Variants in DOCK8 observed in about 807,000 individuals in gnomAD.
The protein encoded by DOCK8 is dedicator of cytokinesis protein 8.
Under a neutral mutation model 245.6 loss-of-function variants are expected in DOCK8, and 141 were observed. The observed-to-expected ratio is 0.57, with a 90% CI of 0.50 to 0.66. The LOEUF (loss-of-function observed/expected upper bound fraction) is 0.66, where lower values mean the gene tolerates loss of function less well. DOCK8 is among the 30% of genes least tolerant of loss of function. The pLI, the probability that DOCK8 is intolerant of heterozygous loss-of-function variation, is 0.00. For synonymous variants in DOCK8, 1,168 were observed against 970.2 expected, an observed-to-expected ratio of 1.20 and a Z score of -3.79; for missense variants, 2,965 against 2,603.4, an observed-to-expected ratio of 1.14 and a Z score of -3.02.
Position 317,059 on chromosome 9 carries a change from T to TA in DOCK8, c.759dup (p.Arg254ThrfsTer27). ...TAAAAATAGGAGGATGCTGTGGAAA[T>TA]ACGTCCAGTACCAGAATGTCCCAAG... On this transcript the variant is annotated frameshift_variant, in exon 7 of 48. Transcript: ENST00000432829. LOFTEE classifies it high-confidence loss of function. The TA allele has an allele frequency of 6.2e-7, 1 of 1,613,850 alleles. No individual in the cohort carries two copies. The highest frequency in any genetic ancestry group is 8.5e-7 in the Non-Finnish European group (1 of 1,179,704).
Position 428,483 on chromosome 9 carries a change from C to T in DOCK8, c.4460C>T (p.Ala1487Val). ...YLTHCFATLRALIAKFGDLLF... is the reference protein window; with the variant it reads ...YLTHCFATLRVLIAKFGDLLF... ...ACTCACTGCTTTGCAACACTCCGTG[C>T]TCTCATCGCCAAGGTAAACTTGGGA... Residue 1487 changes from alanine to valine, a missense_variant, in exon 35 of 48, where the codon GCT becomes GTT. This residue lies in a region of DOCK8 where 2,825 missense variants were observed against 2,453.5 expected (regional missense o/e 1.15). Transcript: ENST00000432829. 2 of 1,614,178 alleles carry T rather than the reference C, an allele frequency of 1.2e-6. No individual in the cohort carries two copies. The highest frequency in any genetic ancestry group is 1.7e-6 in the Non-Finnish European group (2 of 1,180,022).
chr9:456,202 C>T (rs1264587352), intron 46 of DOCK8: 2 of 152,214 alleles, frequency 1.3e-5, no homozygotes, highest in African/African-American at 4.8e-5. Context: ...AAATCATACC[C>T]TGAATACAGA....
intron 46 of DOCK8, among the ~76,000 whole-genome samples, chr9:455,914 C>T (rs992169784): frequency 7.2e-5 from 11 of 151,924 alleles, no homozygotes; most frequent in African/African-American, 4.8e-5. Context: ...TCAGTTCATC[C>T]ATTCATTCAG....
At chr9:304,546 C>G (rs932612390) in intron 4 of DOCK8, 35 bp from the exon 5 acceptor site, 18 of 1,613,448 alleles carry the variant, frequency 1.1e-5, no homozygotes, top group Non-Finnish European at 1.5e-5. Flanking sequence ...CTCTCTCCCT[C>G]TTTCTCTCTC....
chr9:323,827 G>A (rs576672657), intron 7 of DOCK8, among the ~76,000 whole-genome samples: 1 of 152,252 alleles, frequency 6.6e-6, no homozygotes, highest in East Asian at 1.9e-4. Context: ...ATTGTAGTAT[G>A]TATCAGAATC....
intron 5 of DOCK8, among the ~76,000 whole-genome samples, chr9:307,346 T>G (rs10969350): frequency 0.03 from 212 of 7,126 alleles, no homozygotes; most frequent in East Asian, 0.2. Flanking sequence ...TTGTTTTTTT[T>G]TTTTTTTTTT....
At chr9:308,946 C>A (rs765686736) in intron 5 of DOCK8, among the ~76,000 whole-genome samples, 2 of 152,212 alleles carry the variant, frequency 1.3e-5, no homozygotes, top group African/African-American at 4.8e-5. Flanking sequence ...CATGAGCCAC[C>A]GCACCTGGCC....
At chr9:327,942 T>C in intron 8 of DOCK8, 80 bp from the exon 9 acceptor site, 1 of 1,395,894 alleles carries the variant, frequency 7.2e-7, no homozygotes, top group Non-Finnish European at 1.0e-6. Flanking sequence ...TTCTCTGTGG[T>C]GTTTTTACTC....
rs1414497640 is a variant in DOCK8, at chr9:421,220, CTG to C, written c.4153+149_4153+150del. On this transcript the variant is annotated intron_variant, in intron 32 of 47. Transcript: ENST00000432829. ...GTCAGAGACAGCGGATTCTGGGAGT[CTG>C]TGTGTGACATTTGTGTTAGCCCTGT... is the stretch of plus-strand genomic sequence containing the variant. 2.3e-5 allele frequency: 27 copies of C among 1,154,604 alleles called. No individual in the cohort carries two copies. The East Asian group carries it at 2.7e-4, about 12-fold the overall frequency. 71.5% of individuals were successfully genotyped at this position (1,154,604 alleles called of 1,614,324 possible).
intron 7 of DOCK8, among the ~76,000 whole-genome samples, chr9:325,374 C>G (rs1323018801): frequency 2.6e-5 from 4 of 152,160 alleles, no homozygotes; most frequent in African/African-American, 7.2e-5. Flanking sequence ...GTGAATCACA[C>G]TAAAGGTCCA....
chr9:356,372 CA>C (rs568610340), intron 14 of DOCK8, among the ~76,000 whole-genome samples: 2 of 151,404 alleles, frequency 1.3e-5, no homozygotes, highest in Admixed American at 6.6e-5. Context: ...ACTAAAAATA[CA>C]AAAAAAACTA....
intron 2 of DOCK8, among the ~76,000 whole-genome samples, chr9:282,184 G>T (rs76398302): frequency 0.014 from 2,072 of 152,178 alleles, 49 homozygotes; most frequent in African/African-American, 0.047. Context: ...GTGCAATTCC[G>T]TGAGAACAAC....
chr9:315,556 G>A (rs2050306795), intron 6 of DOCK8, among the ~76,000 whole-genome samples: 1 of 152,176 alleles, frequency 6.6e-6, no homozygotes, highest in Non-Finnish European at 1.5e-5. Flanking sequence ...TGGTATTGCT[G>A]TATGTTTTTA....
intron 4 of DOCK8, among the ~76,000 whole-genome samples, chr9:294,607 C>G (rs192725599): frequency 2.6e-5 from 4 of 152,186 alleles, no homozygotes; most frequent in African/African-American, 9.6e-5. Flanking sequence ...CCGTAAGTCC[C>G]ACTCTTGAGT....
chr9:391,603 A>AT (rs1342062268), intron 24 of DOCK8, among the ~76,000 whole-genome samples: 2 of 152,104 alleles, frequency 1.3e-5, no homozygotes, highest in Non-Finnish European at 2.9e-5. Context: ...AAGCAAAAGG[A>AT]TTTTCCCATA....
intron 44 of DOCK8, among the ~76,000 whole-genome samples, chr9:448,576 T>C (rs1174100458): frequency 6.6e-6 from 1 of 152,228 alleles, no homozygotes; most frequent in Non-Finnish European, 1.5e-5. Flanking sequence ...CCAGCACTGT[T>C]GGTGCCTTCT....
chr9:381,881 A>G lies in DOCK8; in HGVS notation c.2606-632A>G, dbSNP rs567493582. Among the ~76,000 whole-genome samples, 849 of 151,968 alleles carry G rather than the reference A, an allele frequency of 5.6e-3. 8 individuals are homozygous for G. Among genetic ancestry groups the G allele is most frequent in the African/African-American group, 0.02 (825 of 41,396 alleles). ...AAGCTGAGGCAAGAGGATTGCTTGA[A>G]CCTGGGAGGCGGAGGTTGCAGTGAG... On this transcript the variant is annotated intron_variant, in intron 21 of 47. Coordinates refer to ENST00000432829, the MANE Select transcript of DOCK8 (RefSeq NM_203447.4).
At chr9:432,465 C>T in intron 37 of DOCK8, 141 bp downstream of exon 37, 2 of 803,450 alleles carry the variant, frequency 2.5e-6, no homozygotes, top group Non-Finnish European at 3.9e-6. Flanking sequence ...TGCATGTGCT[C>T]TCAGCACTCT....
At chr9:411,614 C>A (rs758759663) in intron 28 of DOCK8, among the ~76,000 whole-genome samples, 2 of 152,002 alleles carry the variant, frequency 1.3e-5, no homozygotes, top group Non-Finnish European at 2.9e-5. Flanking sequence ...GCTAGCATTA[C>A]CCTATACTAA....
Sources: gnomAD v4.1 joint callset for allele counts (sites outside exome capture counted in the v4.1 genomes callset) on GRCh38, gnomAD v4.1.1 for gene constraint, gnomAD v4.1.1 regional missense constraint, MANE v1.5 for transcripts, NCBI Gene and HGNC (gene_info 2026-07-23, HGNC 2026-07-21) for gene names.